Variants in RBM27 observed in about 807,000 individuals in gnomAD.
RBM27 encodes RNA-binding protein 27.
RBM27 carries 22 observed loss-of-function variants against 135.3 expected under a neutral mutation model. The observed-to-expected ratio is 0.16, with a 90% CI of 0.12 to 0.23. RBM27 has a LOEUF of 0.23. RBM27 is among the 10% of genes least tolerant of loss of function. The pLI, the probability that RBM27 is intolerant of heterozygous loss-of-function variation, is 1.00. For missense variants in RBM27, 1,009 were observed against 1,281.0 expected, an observed-to-expected ratio of 0.79 and a Z score of 3.24; for synonymous variants, 481 against 442.4, an observed-to-expected ratio of 1.09 and a Z score of -1.10.
Position 146,251,728 on chromosome 5 carries a change from C to G in RBM27, c.1297C>G (p.Arg433Gly), listed in dbSNP as rs757129061. The G allele has an allele frequency of 6.2e-7, 1 of 1,611,466 alleles. No individual in the cohort carries two copies. Among genetic ancestry groups the G allele is most frequent in the South Asian group, 1.1e-5 (1 of 91,024 alleles). Residue 433 changes from arginine (R) to glycine (G), a missense_variant, in exon 9 of 21, where the codon CGT becomes GGT. Physicochemically the swap from Arg to Gly is moderately radical, Grantham distance 125. This residue lies in a region of RBM27 where 329 missense variants were observed against 368.1 expected (regional missense o/e 0.89). Coordinates refer to ENST00000265271, the MANE Select transcript of RBM27 (RefSeq NM_018989.2). ...CTCTATAGGACAGCCCATGTACTCT[C>G]GTGAACATGGTGCTGCTGCATCTGA... is the stretch of plus-strand genomic sequence containing the variant. ...TVSERQPMYS[R>G]EHGAAASERL...
chr5:146,206,440 A>C (rs1323423780), intron 1 of RBM27, among the ~76,000 whole-genome samples: 1 of 150,026 alleles, frequency 6.7e-6, no homozygotes, highest in Non-Finnish European at 1.5e-5. Context: ...TTTCATGAGT[A>C]AAAATTATCT....
At chr5:146,250,206 C>T (rs750075818) in intron 8 of RBM27, among the ~76,000 whole-genome samples, 7 of 151,766 alleles carry the variant, frequency 4.6e-5, no homozygotes, top group South Asian at 2.1e-4. Flanking sequence ...TTTGGGAGGC[C>T]GAGACGGGCA....
At chr5:146,249,405 G>A (rs1361633029) in intron 8 of RBM27, among the ~76,000 whole-genome samples, 1 of 152,024 alleles carries the variant, frequency 6.6e-6, no homozygotes, top group African/African-American at 2.4e-5. Context: ...GTTAAATTGG[G>A]CTGGGCACGG....
At chr5:146,258,654 A>G in intron 11 of RBM27, 61 bp downstream of exon 11, 1 of 1,343,324 alleles carries the variant, frequency 7.4e-7, no homozygotes, top group Non-Finnish European at 9.7e-7. Context: ...TGGTAAATTC[A>G]TAAAAATAAG....
intron 20 of RBM27, 118 bp from the exon 21 acceptor site, chr5:146,285,829 C>A: frequency 1.5e-6 from 1 of 657,852 alleles, no homozygotes; most frequent in Non-Finnish European, 2.6e-6. Context: ...CTCTTGCATG[C>A]ATCCCTTATG....
intron 8 of RBM27, among the ~76,000 whole-genome samples, chr5:146,244,148 G>A (rs1309207456): frequency 1.3e-5 from 2 of 152,160 alleles, no homozygotes; most frequent in Non-Finnish European, 2.9e-5. Context: ...GTTAAAATAA[G>A]AAAAAGAATT....
At position 146,250,004 on chromosome 5, in the gene RBM27, T is replaced by A. The variant is rs185779529; in HGVS notation, c.1280-1707T>A. The stretch of plus-strand genomic sequence containing the variant: ...ATTTGTTACTTCCTCTTTTGCTTCT[T>A]ATATACGAAGAAAAGGGTAGTGAAG... On this transcript the variant is annotated intron_variant, in intron 8 of 20. Coordinates refer to ENST00000265271, the MANE Select transcript of RBM27 (RefSeq NM_018989.2). Among the ~76,000 whole-genome samples the A allele has an allele frequency of 4.2e-3, 639 of 152,302 alleles. 3 individuals are homozygous for A. Among genetic ancestry groups the A allele is most frequent in the African/African-American group, 0.015 (619 of 41,568 alleles).
intron 1 of RBM27, among the ~76,000 whole-genome samples, chr5:146,214,039 C>T (rs1039620445): frequency 6.6e-6 from 1 of 152,212 alleles, no homozygotes; most frequent in South Asian, 2.1e-4. Flanking sequence ...ATTTTTCCTG[C>T]AGATGTACAT....
chr5:146,269,001 G>A (rs762239247), intron 15 of RBM27, among the ~76,000 whole-genome samples: 1 of 152,108 alleles, frequency 6.6e-6, no homozygotes, highest in Admixed American at 6.5e-5. Flanking sequence ...AGCTAATTAG[G>A]TCCAATATTT....
chr5:146,207,741 G>A lies in RBM27; in HGVS notation c.59+3917G>A, dbSNP rs1234122959. 2.7e-5 allele frequency among the ~76,000 whole-genome samples: 4 copies of A among 145,642 alleles called. No homozygotes were observed. In the East Asian group the frequency reaches 6.1e-4, roughly 22 times the overall value. ...ACGATCTTGGCTCACTGCAACCTCC[G>A]TCTTCGGGGTTCAAGCGATTCTCCT... On this transcript the variant is annotated intron_variant, in intron 1 of 20. Coordinates refer to ENST00000265271, the MANE Select transcript of RBM27 (RefSeq NM_018989.2).
chr5:146,235,232 T>G (rs1757108592), intron 7 of RBM27, among the ~76,000 whole-genome samples: 1 of 152,114 alleles, frequency 6.6e-6, no homozygotes, highest in African/African-American at 2.4e-5. Context: ...GATCCTGAGC[T>G]TCCCTGCAGT....
At chr5:146,218,182 T>G (rs1756296065) in intron 1 of RBM27, among the ~76,000 whole-genome samples, 1 of 152,194 alleles carries the variant, frequency 6.6e-6, no homozygotes, top group Non-Finnish European at 1.5e-5. Context: ...ACAAGAAAAC[T>G]AAAAGTTTCA....
At chr5:146,275,944 G>T (rs1422137237) in intron 19 of RBM27, among the ~76,000 whole-genome samples, 3 of 152,136 alleles carry the variant, frequency 2.0e-5, no homozygotes, top group Non-Finnish European at 2.9e-5. Context: ...CAGAAATTCA[G>T]CTGCTCAGAT....
chr5:146,258,408 C>T (rs750864792), intron 10 of RBM27, 41 bp from the exon 11 acceptor site: 3 of 1,476,544 alleles, frequency 2.0e-6, no homozygotes, highest in Non-Finnish European at 2.7e-6. Context: ...ATCATTGAGA[C>T]TCCTGAAAAA....
At chr5:146,210,740 G>T (rs555080583) in intron 1 of RBM27, among the ~76,000 whole-genome samples, 2 of 152,180 alleles carry the variant, frequency 1.3e-5, no homozygotes, top group African/African-American at 4.8e-5. Context: ...GAGGTGGGGA[G>T]ATGGAGACCA....
intron 19 of RBM27, among the ~76,000 whole-genome samples, chr5:146,279,858 A>T (rs1248038489): frequency 6.6e-6 from 1 of 151,598 alleles, no homozygotes; most frequent in African/African-American, 2.4e-5. Flanking sequence ...TCTCCCTTTT[A>T]TTAATCTTTT....
chr5:146,288,876 G>A lies in RBM27; in HGVS notation c.*2846G>A, dbSNP rs576058079. 6.6e-6 allele frequency: 1 copy of A among 151,912 alleles called. No individual in the cohort carries two copies. Among genetic ancestry groups the A allele is most frequent in the African/African-American group, 2.4e-5 (1 of 41,380 alleles). The allele number at this position is 151,912 out of a possible 1,614,324, so 9.4% of individuals were successfully genotyped here. On this transcript the variant is annotated 3_prime_UTR_variant, in exon 21 of 21. Transcript: ENST00000265271. Reference sequence around the variant, plus strand: ...TAAGGTGAAAGGGGTCCTTGGTGATGGATCATTATTTCAAAAAAGAAAAAA... The same window carrying A: ...TAAGGTGAAAGGGGTCCTTGGTGATAGATCATTATTTCAAAAAAGAAAAAA...
Position 146,267,704 on chromosome 5 carries a change from C to T in RBM27, c.2387C>T (p.Thr796Ile). 6.2e-7 allele frequency: 1 copy of T among 1,605,102 alleles called. No homozygotes were observed. Among genetic ancestry groups the T allele is most frequent in the Non-Finnish European group, 8.5e-7 (1 of 1,174,412 alleles). ...ATTTACAGCTCCTCAAACTTAAAGA[C>T]ACCTTCAAAGCTCTGTTCAGGGTCT... is the stretch of plus-strand genomic sequence containing the variant. Reference protein sequence around the residue: ...KMIYSSSNLKTPSKLCSGSKS... With the variant: ...KMIYSSSNLKIPSKLCSGSKS... The change falls in exon 15 of 21, where the codon ACA becomes ATA. Residue 796 changes from threonine to isoleucine, a missense_variant. This residue lies in a region of RBM27 where 355 missense variants were observed against 427.3 expected (regional missense o/e 0.83). Coordinates refer to ENST00000265271, the MANE Select transcript of RBM27 (RefSeq NM_018989.2).
Position 146,242,530 on chromosome 5 carries a change from A to G in RBM27, c.1279+5098A>G, listed in dbSNP as rs1310091723. Among the ~76,000 whole-genome samples, 3 of 152,368 alleles carry G rather than the reference A, an allele frequency of 2.0e-5. No individual in the cohort carries two copies. The East Asian group carries it at 5.8e-4, about 29-fold the overall frequency. ...AATTTATAGAGAAATTTTGAAGACT[A>G]GTAGAGTTCCTGATAATCTAAACAT... On this transcript the variant is annotated intron_variant, in intron 8 of 20. Coordinates refer to ENST00000265271, the MANE Select transcript of RBM27 (RefSeq NM_018989.2).
Sources: allele counts gnomAD v4.1 joint callset (sites outside exome capture counted in the v4.1 genomes callset), GRCh38; gene constraint gnomAD v4.1.1; regional missense constraint gnomAD v4.1.1; transcripts MANE v1.5; gene names NCBI Gene and HGNC (gene_info 2026-07-23, HGNC 2026-07-21).